The following ZNF423 variants were observed in gnomAD, a reference collection of about 807,000 sequenced individuals.
ZNF423 encodes the protein Ebf-associated zinc finger protein.
Under a neutral mutation model 95.8 loss-of-function variants are expected in ZNF423, and 12 were observed. The ratio of observed to expected loss-of-function variants is 0.13; its 90% CI spans 0.08 to 0.20. The LOEUF (loss-of-function observed/expected upper bound fraction) is 0.20, where lower values mean the gene tolerates loss of function less well. ZNF423 is among the 10% of genes least tolerant of loss of function. The probability of loss-of-function intolerance (pLI) is 1.00; values close to 1 mark genes in which losing one functional copy is unlikely to be tolerated. For missense variants in ZNF423, 1,316 were observed against 1,737.1 expected (o/e 0.76, Z 4.31); for synonymous variants, 749 against 711.9 (o/e 1.05, Z -0.83).
intron 2 of ZNF423, among the ~76,000 whole-genome samples, chr16:49,737,186 A>T (rs2033307393): frequency 6.6e-6 from 1 of 152,036 alleles, no homozygotes; most frequent in Non-Finnish European, 1.5e-5. Context: ...AAAAAAAAAA[A>T]ACAAGGCTCA....
intron 3 of ZNF423, among the ~76,000 whole-genome samples, chr16:49,653,684 G>A (rs936843877): frequency 2.0e-5 from 3 of 152,178 alleles, no homozygotes; most frequent in Admixed American, 1.3e-4. Flanking sequence ...CCTTTGCAGG[G>A]AGGGAGATGG....
Position 49,669,365 on chromosome 16 carries a change from GA to G in ZNF423, c.302-30492del, listed in dbSNP as rs554783531. Among the ~76,000 whole-genome samples the G allele has an allele frequency of 5.5e-4, 83 of 151,478 alleles. No homozygotes were observed. In the East Asian group the frequency reaches 6.8e-3, roughly 12 times the overall value. On this transcript the variant is annotated intron_variant, in intron 3 of 7. Coordinates refer to ENST00000563137, the MANE Select transcript of ZNF423 (RefSeq NM_001379286.1). ...AGAAAAAGAAAAAGAAAAAAGAAAA[GA>G]AAAAAAAATCCATCTCATCTCCCAC...
chr16:49,572,982 A>T (rs1449217843), intron 5 of ZNF423, among the ~76,000 whole-genome samples: 1 of 152,236 alleles, frequency 6.6e-6, no homozygotes, highest in Non-Finnish European at 1.5e-5. Context: ...TAGGCTCTCC[A>T]TAAGGGAGAG....
At chr16:49,811,242 G>C (rs1455516397) in intron 1 of ZNF423, among the ~76,000 whole-genome samples, 1 of 152,190 alleles carries the variant, frequency 6.6e-6, no homozygotes. Context: ...GGTCTGCTTG[G>C]GGGTAGTGAG....
intron 5 of ZNF423, among the ~76,000 whole-genome samples, chr16:49,574,764 C>T (rs1970446621): frequency 6.6e-6 from 1 of 152,196 alleles, no homozygotes; most frequent in African/African-American, 2.4e-5. Context: ...TCCCTCTCTC[C>T]TGGAGCCTGG....
At chr16:49,786,354 C>T (rs2034314042) in intron 2 of ZNF423, among the ~76,000 whole-genome samples, 1 of 152,218 alleles carries the variant, frequency 6.6e-6, no homozygotes, top group South Asian at 2.1e-4. Flanking sequence ...ACAAACTGCG[C>T]ATTCTGCTTC....
chr16:49,576,037 G>C (rs1356573135), intron 5 of ZNF423, among the ~76,000 whole-genome samples: 2 of 152,164 alleles, frequency 1.3e-5, no homozygotes, highest in Non-Finnish European at 2.9e-5. Context: ...AGAGACAGAG[G>C]GGCAGGGCTA....
chr16:49,496,240 G>A (rs1967161418), intron 7 of ZNF423, among the ~76,000 whole-genome samples: 4 of 152,198 alleles, frequency 2.6e-5, no homozygotes, highest in Admixed American at 2.6e-4. Flanking sequence ...TTTTGGGGGT[G>A]GTTAATAACA....
intron 5 of ZNF423, among the ~76,000 whole-genome samples, chr16:49,619,653 A>G (rs2151855283): frequency 6.6e-6 from 1 of 152,304 alleles, no homozygotes; most frequent in African/African-American, 2.4e-5. Context: ...CTGACAGAAC[A>G]GTTCCAGAAC....
At chr16:49,823,358 C>G (rs2034968547) in intron 1 of ZNF423, among the ~76,000 whole-genome samples, 1 of 152,224 alleles carries the variant, frequency 6.6e-6, no homozygotes, top group African/African-American at 2.4e-5. Context: ...GCACTTTACA[C>G]ACATTATCTT....
intron 3 of ZNF423, among the ~76,000 whole-genome samples, chr16:49,684,825 G>A (rs932388576): frequency 3.3e-5 from 5 of 152,218 alleles, no homozygotes; most frequent in Admixed American, 3.3e-4. Flanking sequence ...GCCAAAGTTG[G>A]TGGACATAAA....
At chr16:49,627,245 C>T (rs553572738) in intron 4 of ZNF423, among the ~76,000 whole-genome samples, 2 of 146,778 alleles carry the variant, frequency 1.4e-5, no homozygotes, top group South Asian at 4.5e-4. Context: ...TCCATCTACC[C>T]ATCCATCCAT....
intron 5 of ZNF423, among the ~76,000 whole-genome samples, chr16:49,620,239 A>G (rs1972023600): frequency 6.6e-6 from 1 of 151,708 alleles, no homozygotes; most frequent in Admixed American, 6.6e-5. Context: ...ACACACAGAC[A>G]CATACACACA....
At chr16:49,559,691 G>A (rs1969954009) in intron 5 of ZNF423, among the ~76,000 whole-genome samples, 1 of 152,196 alleles carries the variant, frequency 6.6e-6, no homozygotes, top group South Asian at 2.1e-4. Flanking sequence ...CATCTTTTGT[G>A]CATTTGAACC....
chr16:49,632,676 C>G (rs1283708887), intron 4 of ZNF423, among the ~76,000 whole-genome samples: 2 of 152,152 alleles, frequency 1.3e-5, no homozygotes, highest in Non-Finnish European at 1.5e-5. Context: ...TGAGCTGGAG[C>G]CCCTCTTTAC....
At chr16:49,686,449 G>A (rs1277267442) in intron 3 of ZNF423, among the ~76,000 whole-genome samples, 1 of 152,120 alleles carries the variant, frequency 6.6e-6, no homozygotes, top group African/African-American at 2.4e-5. Flanking sequence ...CAGGTATCAT[G>A]TACAAAAACC....
intron 2 of ZNF423, among the ~76,000 whole-genome samples, chr16:49,769,745 C>T (rs2033998133): frequency 2.0e-5 from 3 of 150,696 alleles, no homozygotes; most frequent in South Asian, 2.1e-4. Context: ...CCTGACCTCA[C>T]GCTCCCCCCA....
intron 3 of ZNF423, among the ~76,000 whole-genome samples, chr16:49,687,836 C>CA (rs1163187457): frequency 2.6e-5 from 4 of 152,146 alleles, no homozygotes; most frequent in Admixed American, 1.3e-4. Flanking sequence ...CTCTGCCCCC[C>CA]ACATGTGAGA....
chr16:49,799,764 C>T (rs2034553591), intron 1 of ZNF423, among the ~76,000 whole-genome samples: 1 of 152,138 alleles, frequency 6.6e-6, no homozygotes, highest in Admixed American at 6.6e-5. Context: ...GAGTGTGAAA[C>T]ACTTGAAGTT....
Sources: gnomAD v4.1 joint callset for allele counts (sites outside exome capture counted in the v4.1 genomes callset) on GRCh38, gnomAD v4.1.1 for gene constraint, MANE v1.5 for transcripts, NCBI Gene and HGNC (gene_info 2026-07-23, HGNC 2026-07-21) for gene names.